The following SIRT4 variants were observed in gnomAD, a reference collection of about 807,000 sequenced individuals.
The protein encoded by SIRT4 is sirtuin 4.
SIRT4 carries 23 observed loss-of-function variants against 26.1 expected under a neutral mutation model. The observed-to-expected ratio is 0.88, with a 90% CI of 0.63 to 1.25. The LOEUF (loss-of-function observed/expected upper bound fraction) is 1.25, where lower values mean the gene tolerates loss of function less well. SIRT4 is among the 50% of genes most tolerant of loss of function. SIRT4 has a pLI of 0.00. For missense variants in SIRT4, 361 were observed against 405.4 expected (o/e 0.89, Z 0.94); for synonymous variants, 155 against 158.4 (o/e 0.98, Z 0.16).
upstream of SIRT4, among the ~76,000 whole-genome samples, chr12:120,301,114 G>C (rs578162397): frequency 2.0e-5 from 3 of 152,104 alleles, no homozygotes; most frequent in Non-Finnish European, 4.4e-5. Flanking sequence ...TGGGAGGCTA[G>C]GGTGGGCAGA....
the SIRT4 span, chr12:120,291,916 T>C: frequency 6.6e-6 from 1 of 152,006 alleles, no homozygotes; most frequent in Admixed American, 6.6e-5. Context: ...AAAGGTTCTG[T>C]TCGCGCCCCG....
At chr12:120,291,850 T>A in the SIRT4 span, 1 of 152,142 alleles carries the variant, frequency 6.6e-6, no homozygotes, top group Non-Finnish European at 1.5e-5. Context: ...CAATTAGCAA[T>A]AATCGCGCCT....
At chr12:120,310,321 G>A (rs971424712) in intron 2 of SIRT4, among the ~76,000 whole-genome samples, 4 of 151,884 alleles carry the variant, frequency 2.6e-5, no homozygotes, top group East Asian at 1.9e-4. Flanking sequence ...AGCCGAGATC[G>A]CGCCATTGCA....
At chr12:120,294,077 C>T in the SIRT4 span, among the ~76,000 whole-genome samples, 45 of 123,928 alleles carry the variant, frequency 3.6e-4, no homozygotes, top group Admixed American at 3.4e-3. Flanking sequence ...GATCTCGGCT[C>T]ATTGCAACCA....
At chr12:120,296,013 G>A in the SIRT4 span, among the ~76,000 whole-genome samples, 3 of 146,610 alleles carry the variant, frequency 2.0e-5, no homozygotes, top group East Asian at 6.4e-4. Context: ...CTTGAACCTG[G>A]GAGGTAGAGG....
chr12:120,294,024 TGGAG>T, the SIRT4 span, among the ~76,000 whole-genome samples: 61 of 146,216 alleles, frequency 4.2e-4, no homozygotes, highest in East Asian at 6.0e-4. Context: ...TTTTTTGAGA[TGGAG>T]TTTTTGCTCT....
the SIRT4 span, among the ~76,000 whole-genome samples, chr12:120,292,078 G>T: frequency 8.2e-3 from 1,250 of 152,290 alleles, 14 homozygotes; most frequent in African/African-American, 0.028. Context: ...CAAACATTCA[G>T]GTTTTGAAAA....
intron 1 of SIRT4, among the ~76,000 whole-genome samples, chr12:120,303,147 G>A (rs940270510): frequency 3.3e-5 from 5 of 151,950 alleles, no homozygotes; most frequent in Admixed American, 6.6e-5. Context: ...AAAGGAATGC[G>A]TGTGTGTGCT....
intron 2 of SIRT4, among the ~76,000 whole-genome samples, chr12:120,307,678 G>C (rs1872793246): frequency 6.6e-6 from 1 of 151,830 alleles, no homozygotes; most frequent in South Asian, 2.1e-4. Context: ...GACCAACACA[G>C]TGAAACCCTG....
chr12:120,304,829 ATATATATTTT>A (rs1872685109), intron 2 of SIRT4, among the ~76,000 whole-genome samples: 1 of 31,160 alleles, frequency 3.2e-5, no homozygotes, highest in African/African-American at 7.0e-5. Flanking sequence ...ATATATATAT[ATATATATTTT>A]TTTTTTTTTT....
chr12:120,295,783 T>A, the SIRT4 span, among the ~76,000 whole-genome samples: 1 of 151,450 alleles, frequency 6.6e-6, no homozygotes, highest in Non-Finnish European at 1.5e-5. Context: ...CTGGTCTAGG[T>A]GTGGTGGCTC....
rs1872639723 is a variant in SIRT4 at position 120,303,879 on chromosome 12, G to A, written c.318G>A (p.Trp106Ter). The part of the protein sequence containing the change: ...VRSAPIRQRY[W>*]ARNFVGWPQF... ...GTGCCCCAATCCGCCAGCGGTACTG[G>A]GCGAGAAACTTCGTAGGCTGGCCTC... Residue 106 changes from tryptophan (W) to a stop codon, truncating the protein, a stop_gained, in exon 2 of 4, where the codon TGG (tryptophan) becomes TGA (stop). Coordinates refer to ENST00000202967, the MANE Select transcript of SIRT4 (RefSeq NM_012240.3). LOFTEE classifies it high-confidence loss of function. 2 of 1,614,186 alleles carry A rather than the reference G, an allele frequency of 1.2e-6. No homozygotes were observed. Among genetic ancestry groups the A allele is most frequent in the Non-Finnish European group, 1.7e-6 (2 of 1,180,036 alleles).
At chr12:120,297,148 G>A in the SIRT4 span, among the ~76,000 whole-genome samples, 6 of 151,868 alleles carry the variant, frequency 4.0e-5, no homozygotes, top group African/African-American at 7.3e-5. Flanking sequence ...ACTTGAACCC[G>A]GTAGGCGGAG....
the SIRT4 span, among the ~76,000 whole-genome samples, chr12:120,293,734 G>GC: frequency 3.3e-5 from 5 of 151,958 alleles, no homozygotes; most frequent in South Asian, 6.2e-4. Flanking sequence ...TATCTTTCAT[G>GC]CCCAAGGGTG....
At chr12:120,295,424 T>A in the SIRT4 span, among the ~76,000 whole-genome samples, 1 of 142,286 alleles carries the variant, frequency 7.0e-6, no homozygotes, top group African/African-American at 2.6e-5. Flanking sequence ...AGATAATTTT[T>A]TTTTTTTTTT....
chr12:120,307,252 A>C (rs992616937), intron 2 of SIRT4, among the ~76,000 whole-genome samples: 8 of 152,154 alleles, frequency 5.3e-5, no homozygotes. Flanking sequence ...GCATTTTGAG[A>C]GGCTGAGGGG....
the SIRT4 span, chr12:120,291,900 A>C: frequency 6.6e-6 from 1 of 152,128 alleles, no homozygotes; most frequent in African/African-American, 2.4e-5. Context: ...CACTGCGCAA[A>C]GCTGGAAAGG....
intron 2 of SIRT4, among the ~76,000 whole-genome samples, chr12:120,310,553 T>C (rs545728022): frequency 6.6e-6 from 1 of 151,448 alleles, no homozygotes; most frequent in African/African-American, 2.4e-5. Context: ...ATCAACATAA[T>C]CTGATGGCTG....
chr12:120,304,908 C>G (rs1176781879), intron 2 of SIRT4, among the ~76,000 whole-genome samples: 1 of 145,070 alleles, frequency 6.9e-6, no homozygotes, highest in Non-Finnish European at 1.5e-5. Context: ...AATCCCAGCA[C>G]TTTGGGAGGC....
Sources: allele counts gnomAD v4.1 joint callset (sites outside exome capture counted in the v4.1 genomes callset), GRCh38; gene constraint gnomAD v4.1.1; transcripts MANE v1.5; gene names NCBI Gene and HGNC (gene_info 2026-07-23, HGNC 2026-07-21).